Variants in SOX5 observed in about 807,000 individuals in gnomAD.
SOX5 encodes SRY-box transcription factor 5, also known as transcription factor SOX-5.
Under a neutral mutation model 92.0 loss-of-function variants are expected in SOX5, and 9 were observed. The observed-to-expected ratio is 0.10, with a 90% CI of 0.06 to 0.17. The LOEUF is 0.17. SOX5 is among the 10% of genes least tolerant of loss of function. The pLI, the probability that SOX5 is intolerant of heterozygous loss-of-function variation, is 1.00. For missense variants in SOX5, 642 were observed against 944.5 expected, an observed-to-expected ratio of 0.68 and a Z score of 4.20; for synonymous variants, 344 against 336.3, an observed-to-expected ratio of 1.02 and a Z score of -0.25.
At chr12:23,811,533 T>G (rs1389559687) in intron 3 of SOX5, among the ~76,000 whole-genome samples, 1 of 152,142 alleles carries the variant, frequency 6.6e-6, no homozygotes, top group Non-Finnish European at 1.5e-5. Context: ...TTTAAGGTTT[T>G]TATGTTTATT....
At chr12:23,660,974 T>C (rs1201004501) in intron 7 of SOX5, among the ~76,000 whole-genome samples, 1 of 152,198 alleles carries the variant, frequency 6.6e-6, no homozygotes, top group African/African-American at 2.4e-5. Context: ...CTGGGAACCT[T>C]GGCACACAGT....
chr12:24,400,409 G>T (rs1296092615), intron 1 of SOX5, among the ~76,000 whole-genome samples: 1 of 152,198 alleles, frequency 6.6e-6, no homozygotes, highest in African/African-American at 2.4e-5. Context: ...CAACAAGTTT[G>T]TGAGGAGGGC....
chr12:24,381,536 C>T (rs1158440323), intron 1 of SOX5, among the ~76,000 whole-genome samples: 2 of 152,274 alleles, frequency 1.3e-5, no homozygotes, highest in Non-Finnish European at 2.9e-5. Flanking sequence ...ACCTTATAGC[C>T]AGTGGATGGG....
At chr12:24,214,629 A>G (rs1420202870) in intron 3 of SOX5, among the ~76,000 whole-genome samples, 1 of 152,096 alleles carries the variant, frequency 6.6e-6, no homozygotes, top group Non-Finnish European at 1.5e-5. Flanking sequence ...TAAAAAGCTT[A>G]TCAATTTTTT....
At chr12:24,535,813 C>T (rs74070944) in intron 1 of SOX5, among the ~76,000 whole-genome samples, 5 of 152,236 alleles carry the variant, frequency 3.3e-5, no homozygotes, top group African/African-American at 1.2e-4. Context: ...TTCCATAAAG[C>T]TATTCTGCCT....
At chr12:23,615,072 G>A (rs569280298) in intron 8 of SOX5, among the ~76,000 whole-genome samples, 4 of 152,154 alleles carry the variant, frequency 2.6e-5, no homozygotes, top group Non-Finnish European at 5.9e-5. Flanking sequence ...AAAGTGCTGG[G>A]ATTACAGGCG....
At chr12:24,208,463 AG>A (rs1171945113) in intron 4 of SOX5, among the ~76,000 whole-genome samples, 2 of 152,166 alleles carry the variant, frequency 1.3e-5, no homozygotes, top group African/African-American at 2.4e-5. Flanking sequence ...CTCAAGCCCA[AG>A]AGGAACATAA....
rs527976398 is a variant in SOX5, at chr12:23,787,300, T to C, written c.482-31576A>G. Reference sequence around the variant, plus strand: ...TTTTAAATACACCAATCGGAAGAGATCTGACATTCTGAAGTACCAAAGTCG... The same window carrying C: ...TTTTAAATACACCAATCGGAAGAGACCTGACATTCTGAAGTACCAAAGTCG... On this transcript the variant is annotated intron_variant, in intron 3 of 14. Coordinates refer to ENST00000451604, the MANE Select transcript of SOX5 (RefSeq NM_006940.6). 3.4e-4 allele frequency among the ~76,000 whole-genome samples: 51 copies of C among 152,068 alleles called. 1 individual carries two copies. Among genetic ancestry groups the C allele is most frequent in the African/African-American group, 1.2e-3 (51 of 41,558 alleles).
chr12:23,783,552 T>C (rs1377425975), intron 3 of SOX5, among the ~76,000 whole-genome samples: 5 of 152,204 alleles, frequency 3.3e-5, no homozygotes, highest in Non-Finnish European at 5.9e-5. Context: ...AAAACATGAA[T>C]TCAATATGAA....
chr12:24,442,011 G>A (rs566604636), intron 1 of SOX5, among the ~76,000 whole-genome samples: 5 of 152,122 alleles, frequency 3.3e-5, no homozygotes, highest in South Asian at 2.1e-4. Flanking sequence ...CAGTAAACAC[G>A]TAAGTCTAAA....
intron 3 of SOX5, among the ~76,000 whole-genome samples, chr12:23,778,861 T>A (rs1409487770): frequency 6.6e-6 from 1 of 152,140 alleles, no homozygotes; most frequent in African/African-American, 2.4e-5. Context: ...GCAAGAAGGA[T>A]CTGCAGTAGG....
At chr12:23,790,155 A>T (rs1357059435) in intron 3 of SOX5, among the ~76,000 whole-genome samples, 2 of 152,126 alleles carry the variant, frequency 1.3e-5, no homozygotes, top group South Asian at 4.1e-4. Context: ...AAACTGAAAA[A>T]CAAATGTATG....
intron 2 of SOX5, among the ~76,000 whole-genome samples, chr12:24,307,505 GGA>G (rs1948721017): frequency 2.6e-5 from 1 of 38,416 alleles, no homozygotes; most frequent in African/African-American, 4.5e-5. Flanking sequence ...AAGGAAGGAA[GGA>G]AGGAAGGAAG....
intron 4 of SOX5, among the ~76,000 whole-genome samples, chr12:23,753,383 T>G (rs2094244854): frequency 6.6e-6 from 1 of 151,532 alleles, no homozygotes; most frequent in African/African-American, 2.4e-5. Context: ...ACACATCTCC[T>G]GGAACTAATT....
rs144138515 is a variant in SOX5, at chr12:24,203,121, T to C, written c.-2+10222A>G. ...AAAGAGCTTTCTTTTCTCCCTCACT[T>C]ATTTATTTGTTCAATACTTTCTTAC... On this transcript the variant is annotated intron_variant, in intron 4 of 4. Coordinates refer to the SOX5 transcript ENST00000446891. Among the ~76,000 whole-genome samples the C allele has an allele frequency of 5.5e-4, 84 of 152,312 alleles. No individual in the cohort carries two copies. In the East Asian group the frequency reaches 0.012, roughly 22 times the overall value.
chr12:23,619,505 T>C (rs912539560), intron 8 of SOX5, among the ~76,000 whole-genome samples: 1 of 152,176 alleles, frequency 6.6e-6, no homozygotes. Flanking sequence ...TACAGAGCTC[T>C]TAACTCTTAG....
chr12:23,976,677 C>T (rs1948947797), intron 4 of SOX5, among the ~76,000 whole-genome samples: 1 of 152,106 alleles, frequency 6.6e-6, no homozygotes, highest in African/African-American at 2.4e-5. Context: ...CAACAAAAGT[C>T]AGTAAGCAAC....
intron 4 of SOX5, among the ~76,000 whole-genome samples, chr12:23,741,283 T>A (rs7964966): frequency 0.13 from 20,301 of 152,146 alleles, 1,469 homozygotes; most frequent in Middle Eastern, 0.23. Context: ...TCAAATGAAA[T>A]TCCATAATGA....
intron 7 of SOX5, among the ~76,000 whole-genome samples, chr12:23,648,412 A>C (rs1011529569): frequency 6.6e-6 from 1 of 152,202 alleles, no homozygotes; most frequent in Non-Finnish European, 1.5e-5. Context: ...CTGTCTACAA[A>C]TTGATATGTT....
Sources: gnomAD v4.1 joint callset for allele counts (sites outside exome capture counted in the v4.1 genomes callset) on GRCh38, gnomAD v4.1.1 for gene constraint, MANE v1.5 for transcripts, NCBI Gene and HGNC (gene_info 2026-07-23, HGNC 2026-07-21) for gene names.